CBFA2T3: variants seen among roughly 807,000 people sequenced by gnomAD.
The protein encoded by CBFA2T3 is CBFA2/RUNX1 partner transcriptional co-repressor 3.
In CBFA2T3, 31 loss-of-function variants were observed where a neutral mutation model predicts 58.6. The ratio of observed to expected loss-of-function variants is 0.53; its 90% CI spans 0.40 to 0.71. The LOEUF is 0.71. Among genes scored for constraint, CBFA2T3 ranks in the 30% least tolerant of loss-of-function variants. The pLI is 0.00. For missense variants in CBFA2T3, 1,076 were observed against 963.1 expected (o/e 1.12, Z -1.55); for synonymous variants, 531 against 421.9 (o/e 1.26, Z -3.17).
rs8047150 is a variant in CBFA2T3 at position 88,914,632 on chromosome 16, C to A, written c.152-12976G>T. ...TCTGGGCCTGTCCTCTGGCTTAAGC[C>A]CAGAGCCCCTAGCCATCAAAGGTGC... On this transcript the variant is annotated intron_variant, in intron 1 of 11. Coordinates refer to ENST00000268679, the MANE Select transcript of CBFA2T3 (RefSeq NM_005187.6). Among the ~76,000 whole-genome samples the A allele has an allele frequency of 1.0e-3, 155 of 152,334 alleles. 1 individual carries two copies. The highest frequency in any genetic ancestry group is 3.6e-3 in the African/African-American group (150 of 41,568).
chr16:88,958,574 C>T lies in CBFA2T3; in HGVS notation c.151+18083G>A, dbSNP rs1054977113. Among the ~76,000 whole-genome samples, 7 of 152,268 alleles carry T rather than the reference C, an allele frequency of 4.6e-5. No individual in the cohort carries two copies. Among genetic ancestry groups the T allele is most frequent in the African/African-American group, 1.4e-4 (6 of 41,556 alleles). The stretch of plus-strand genomic sequence containing the variant: ...CAGAAGCTGGTGGAGAGGTGTCCTT[C>T]CTATTTCTCAGATGGGGAGACTGAG... On this transcript the variant is annotated intron_variant, in intron 1 of 11. Transcript: ENST00000268679. The surrounding 1 kb of genome is among the most constrained non-coding windows in gnomAD (Gnocchi z 4.0).
chr16:88,880,872 T>C lies in CBFA2T3; in HGVS notation c.1403-84A>G, dbSNP rs1269540022. ...GGCCCTCCCCACCCTGGCTGGGCCCTGAGTGCAGGGCGTGAGTGTGTGCGT... is the reference window on the plus strand; with the variant it reads ...GGCCCTCCCCACCCTGGCTGGGCCCCGAGTGCAGGGCGTGAGTGTGTGCGT... On this transcript the variant is annotated intron_variant, in intron 9 of 11. Coordinates refer to ENST00000268679, the MANE Select transcript of CBFA2T3 (RefSeq NM_005187.6). 10 of 1,276,888 alleles carry C rather than the reference T, an allele frequency of 7.8e-6. No individual in the cohort carries two copies. In the African/African-American group the frequency reaches 1.2e-4, roughly 15 times the overall value. The allele number at this position is 1,276,888 out of a possible 1,614,324, so 79.1% of individuals were successfully genotyped here.
intron 1 of CBFA2T3, among the ~76,000 whole-genome samples, chr16:88,916,929 G>C (rs544924042): frequency 6.6e-6 from 1 of 151,956 alleles, no homozygotes; most frequent in East Asian, 1.9e-4. Flanking sequence ...CTAGACGGGC[G>C]CAGAAGCACG....
rs117366368 is a variant in CBFA2T3 at position 88,952,660 on chromosome 16, A to G, written c.151+23997T>C. Reference sequence around the variant, plus strand: ...CCCTGCCCAGAACATTCTGCCCACAAACTCCTCTTAGCCTCAGGTCCCTGC... The same window carrying G: ...CCCTGCCCAGAACATTCTGCCCACAGACTCCTCTTAGCCTCAGGTCCCTGC... On this transcript the variant is annotated intron_variant, in intron 1 of 11. Transcript: ENST00000268679. Among the ~76,000 whole-genome samples, 685 of 152,104 alleles carry G rather than the reference A, an allele frequency of 4.5e-3. 3 individuals carry two copies. Among genetic ancestry groups the G allele is most frequent in the Non-Finnish European group, 8.4e-3 (573 of 67,962 alleles).
At chr16:88,892,526 T>C (rs1438865090) in intron 3 of CBFA2T3, 41 bp from the exon 4 acceptor site, 12 of 1,606,526 alleles carry the variant, frequency 7.5e-6, no homozygotes, top group Non-Finnish European at 1.0e-5. Context: ...AAGGTGATGG[T>C]GACAACACAA....
rs576934029 is a variant in CBFA2T3 at position 88,932,791 on chromosome 16, CAAAAAAAAAAAAAA to C, written c.152-31149_152-31136del. 6.5e-4 allele frequency among the ~76,000 whole-genome samples: 18 copies of C among 27,856 alleles called. No homozygotes were observed. In the Admixed American group the frequency reaches 0.01, roughly 16 times the overall value. 18.3% of individuals were successfully genotyped at this position (27,856 alleles called of 152,430 possible). On this transcript the variant is annotated intron_variant, in intron 1 of 11. Transcript: ENST00000268679. ...GGCAAACCCGTCTCTACTAAAAATACAAAAAAAAAAAAAAAAAAAAAAAAAAAAAAAGCCGGGTG... is the reference window on the plus strand; with the variant it reads ...GGCAAACCCGTCTCTACTAAAAATACAAAAAAAAAAAAAAAAAGCCGGGTG...
At chr16:88,932,287 G>C (rs966491921) in intron 1 of CBFA2T3, among the ~76,000 whole-genome samples, 1 of 147,264 alleles carries the variant, frequency 6.8e-6, no homozygotes, top group East Asian at 2.0e-4. Flanking sequence ...AAAACAGGCA[G>C]AGCACACACT....
intron 1 of CBFA2T3, among the ~76,000 whole-genome samples, chr16:88,934,033 T>C (rs1003162094): frequency 6.6e-6 from 1 of 152,222 alleles, no homozygotes. Flanking sequence ...AGATTATATA[T>C]TATAAACATT....
chr16:88,949,559 CAA>C (rs1258443834), intron 1 of CBFA2T3, among the ~76,000 whole-genome samples: 20 of 85,274 alleles, frequency 2.3e-4, no homozygotes, highest in Admixed American at 4.0e-4. Flanking sequence ...GACTCTGTCT[CAA>C]AAAAAAAAAA....
intron 1 of CBFA2T3, among the ~76,000 whole-genome samples, chr16:88,971,921 G>A (rs969642589): frequency 1.3e-5 from 2 of 152,214 alleles, no homozygotes; most frequent in East Asian, 3.8e-4. Flanking sequence ...GCAGGTTAAC[G>A]GGACGCACTG....
chr16:88,896,735 T>G (rs958621292), intron 3 of CBFA2T3, among the ~76,000 whole-genome samples: 1 of 152,130 alleles, frequency 6.6e-6, no homozygotes, highest in Non-Finnish European at 1.5e-5. Flanking sequence ...CTGTGGACCT[T>G]CCAGCAGCTT....
chr16:88,936,585 G>A (rs1449350288), intron 1 of CBFA2T3, among the ~76,000 whole-genome samples: 2 of 152,218 alleles, frequency 1.3e-5, no homozygotes, highest in African/African-American at 2.4e-5. Context: ...GGGCAGAACC[G>A]GCCCTGGGTG....
intron 1 of CBFA2T3, among the ~76,000 whole-genome samples, chr16:88,909,617 G>A (rs1035953199): frequency 3.7e-5 from 3 of 81,056 alleles, no homozygotes; most frequent in African/African-American, 1.5e-4. Flanking sequence ...TTAAACAGCT[G>A]TTTATTTTCC....
At chr16:88,919,065 T>C (rs73254266) in intron 1 of CBFA2T3, among the ~76,000 whole-genome samples, 4,868 of 151,784 alleles carry the variant, frequency 0.032, 147 homozygotes, top group African/African-American at 0.078. Flanking sequence ...CCCTGGCATG[T>C]TTATACTGGT....
At chr16:88,936,159 A>G (rs1567620097) in intron 1 of CBFA2T3, among the ~76,000 whole-genome samples, 1 of 151,974 alleles carries the variant, frequency 6.6e-6, no homozygotes, top group Non-Finnish European at 1.5e-5. Context: ...CTGGGCGGGG[A>G]CTTCCTCATG....
rs184967757 is a variant in CBFA2T3, at chr16:88,906,013, T to C, written c.152-4357A>G. ...TTCCTCGGGCAAGCCACAGCCTCTCTGTCCATTTCCTTGCCTCTTCAAAGG... is the reference window on the plus strand; with the variant it reads ...TTCCTCGGGCAAGCCACAGCCTCTCCGTCCATTTCCTTGCCTCTTCAAAGG... On this transcript the variant is annotated intron_variant, in intron 1 of 11. Transcript: ENST00000268679. Among the ~76,000 whole-genome samples, 1,115 of 151,924 alleles carry C rather than the reference T, an allele frequency of 7.3e-3. 20 individuals are homozygous for C. The highest frequency in any genetic ancestry group is 0.026 in the African/African-American group (1,057 of 41,340).
rs537872388 is a variant in CBFA2T3, at chr16:88,973,979, C to G, written c.151+2678G>C. ...ACCCCTCCACTGATAGTGCTCACCA[C>G]CTCCCCGAGATCCCACGTCGTCCCT... is the stretch of plus-strand genomic sequence containing the variant. On this transcript the variant is annotated intron_variant, in intron 1 of 11. Coordinates refer to ENST00000268679, the MANE Select transcript of CBFA2T3 (RefSeq NM_005187.6). Among the ~76,000 whole-genome samples the G allele has an allele frequency of 7.3e-4, 111 of 152,252 alleles. 1 individual carries two copies. The Middle Eastern group carries it at 0.027, about 37-fold the overall frequency.
At chr16:88,901,734 A>G in intron 1 of CBFA2T3, 78 bp from the exon 2 acceptor site, 3 of 1,330,650 alleles carry the variant, frequency 2.3e-6, no homozygotes, top group South Asian at 3.0e-5. Context: ...CACGGTTCCC[A>G]GCGAAGGCCC....
chr16:88,907,946 C>T (rs1448070414), intron 1 of CBFA2T3, among the ~76,000 whole-genome samples: 1 of 152,248 alleles, frequency 6.6e-6, no homozygotes, highest in Non-Finnish European at 1.5e-5. Context: ...CATGCAGGAA[C>T]TGGTCAGATG....
Sources: gnomAD v4.1 joint callset for allele counts (sites outside exome capture counted in the v4.1 genomes callset) on GRCh38, gnomAD v4.1.1 for gene constraint, Gnocchi (gnomAD v3.1) non-coding constraint, MANE v1.5 for transcripts, NCBI Gene and HGNC (gene_info 2026-07-23, HGNC 2026-07-21) for gene names.